The following FBXO16 variants were observed in gnomAD, a reference collection of about 807,000 sequenced individuals.
FBXO16 encodes F-box only protein 16.
In FBXO16, 31 loss-of-function variants were observed where a neutral mutation model predicts 41.0. The observed-to-expected ratio is 0.76, with a 90% CI of 0.57 to 1.02. The LOEUF is 1.02. Ranked by LOEUF, FBXO16 falls within the 50% of genes least tolerant of loss-of-function variation. The probability of loss-of-function intolerance (pLI) is 0.00; values close to 1 mark genes in which losing one functional copy is unlikely to be tolerated. For missense variants in FBXO16, 361 were observed against 346.2 expected, an observed-to-expected ratio of 1.04 and a Z score of -0.34; for synonymous variants, 133 against 117.8, an observed-to-expected ratio of 1.13 and a Z score of -0.84.
intron 5 of FBXO16, among the ~76,000 whole-genome samples, chr8:28,452,858 TAAC>T (rs963535680): frequency 2.8e-4 from 42 of 151,142 alleles, no homozygotes; most frequent in African/African-American, 7.0e-4. Flanking sequence ...ATAATAATAA[TAAC>T]AACAACAAAA....
At chr8:28,453,097 T>C (rs1802982763) in intron 5 of FBXO16, among the ~76,000 whole-genome samples, 1 of 152,154 alleles carries the variant, frequency 6.6e-6, no homozygotes, top group Non-Finnish European at 1.5e-5. Flanking sequence ...TGCATTATAT[T>C]GTTTAACCTT....
intron 4 of FBXO16, among the ~76,000 whole-genome samples, chr8:28,462,841 T>G (rs1024875190): frequency 3.9e-5 from 6 of 152,222 alleles, no homozygotes; most frequent in Admixed American, 1.3e-4. Flanking sequence ...CTCATTCTCT[T>G]TTGTACATAT....
At chr8:28,466,996 A>ACAGTG (rs2130166825) in intron 3 of FBXO16, among the ~76,000 whole-genome samples, 1 of 152,138 alleles carries the variant, frequency 6.6e-6, no homozygotes, top group Admixed American at 6.5e-5. Flanking sequence ...AGGTTGGCGT[A>ACAGTG]CAGTGGTGCA....
intron 7 of FBXO16, among the ~76,000 whole-genome samples, chr8:28,443,610 G>C (rs987134782): frequency 2.6e-5 from 4 of 152,102 alleles, no homozygotes; most frequent in Non-Finnish European, 5.9e-5. Context: ...GTTTGAACCA[G>C]GGCAACTCCA....
At chr8:28,448,357 A>G (rs200735409) in intron 6 of FBXO16, among the ~76,000 whole-genome samples, 209 of 151,058 alleles carry the variant, frequency 1.4e-3, no homozygotes, top group Non-Finnish European at 1.9e-3. Context: ...AAAAAAAAAA[A>G]AAAGAAAGAA....
In FBXO16 at chr8:28,463,824, AAC is replaced by A; in HGVS notation, c.136-8_136-7del. Reference sequence around the variant, plus strand: ...GAGTCTGTCCATTTGTCAAACTGGAAACACAAAACAAAGCAAAATGTAAAAAG... The same window carrying A: ...GAGTCTGTCCATTTGTCAAACTGGAAACAAAACAAAGCAAAATGTAAAAAG... On this transcript the variant is annotated splice_polypyrimidine_tract_variant and splice_region_variant and intron_variant, in intron 3 of 8. Coordinates refer to ENST00000380254, the MANE Select transcript of FBXO16 (RefSeq NM_172366.4). The A allele has an allele frequency of 6.2e-7, 1 of 1,612,456 alleles. No homozygotes were observed.
In FBXO16 at chr8:28,463,714, T is replaced by C; in HGVS notation, c.240A>G (p.Lys80=). Residue 80 remains lysine (K), a synonymous_variant, in exon 4 of 9, where the codon AAA becomes AAG. Coordinates refer to ENST00000380254, the MANE Select transcript of FBXO16 (RefSeq NM_172366.4). ...QKFCCRKLQE[K]IPAEALDFTT... ...TAAAGTCCAGGGCTTCTGCTGGAAT[T>C]TTCTCTTGAAGCTTTCGACAGCAGA... 1 of 1,614,230 alleles carries C rather than the reference T, an allele frequency of 6.2e-7. No homozygotes were observed. The highest frequency in any genetic ancestry group is 8.5e-7 in the Non-Finnish European group (1 of 1,180,046).
At chr8:28,482,055 C>T (rs529242650) in intron 2 of FBXO16, among the ~76,000 whole-genome samples, 8 of 152,252 alleles carry the variant, frequency 5.3e-5, no homozygotes, top group South Asian at 2.1e-4. Flanking sequence ...ACCTGTGGGA[C>T]GGGGAGGACC....
Position 28,452,478 on chromosome 8 carries a change from T to C in FBXO16, c.508-2A>G. ...TACAAATCCATCCTTTGGGGGTGTC[T>C]AGAAGAAGAAAGTTAATTATGTTCT... On this transcript the variant is annotated splice_acceptor_variant, in intron 5 of 8. Coordinates refer to ENST00000380254, the MANE Select transcript of FBXO16 (RefSeq NM_172366.4). LOFTEE classifies it high-confidence loss of function. The C allele has an allele frequency of 6.2e-7, 1 of 1,613,196 alleles. No homozygotes were observed. Among genetic ancestry groups the C allele is most frequent in the South Asian group, 1.1e-5 (1 of 91,048 alleles).
intron 7 of FBXO16, among the ~76,000 whole-genome samples, chr8:28,434,418 A>C (rs1446863326): frequency 6.6e-6 from 1 of 152,248 alleles, no homozygotes; most frequent in Non-Finnish European, 1.5e-5. Context: ...TAAATATAGT[A>C]ACAACAATGA....
At chr8:28,479,287 C>CACTTTTCTCT (rs1219461032) in intron 2 of FBXO16, among the ~76,000 whole-genome samples, 1 of 152,146 alleles carries the variant, frequency 6.6e-6, no homozygotes, top group Non-Finnish European at 1.5e-5. Context: ...CTGCATCTGA[C>CACTTTTCTCT]CCTTTTCTCT....
At chr8:28,460,245 A>ATATATATAT (rs1477457728) in intron 4 of FBXO16, among the ~76,000 whole-genome samples, 10 of 85,484 alleles carry the variant, frequency 1.2e-4, no homozygotes, top group Non-Finnish European at 2.0e-4. Context: ...ATATATATAT[A>ATATATATAT]TTTTTTTTTT....
At chr8:28,461,416 A>C (rs1803132321) in intron 4 of FBXO16, among the ~76,000 whole-genome samples, 1 of 152,194 alleles carries the variant, frequency 6.6e-6, no homozygotes, top group Admixed American at 6.5e-5. Flanking sequence ...TATCATTTAA[A>C]ACAAATCTCA....
Position 28,447,250 on chromosome 8 carries a change from G to A in FBXO16, c.764C>T (p.Thr255Ile). The stretch of plus-strand genomic sequence containing the variant: ...ATGTGACTGTCGGCTGAAGTCTGGG[G>A]TCATTTGGTTTCTTTTTCTTCTTCT... ...QQGRRKRNQM[T>I]PDFSRQSHDK... Residue 255 changes from threonine (T) to isoleucine (I), a missense_variant, in exon 7 of 9, where the codon ACC (threonine) becomes ATC (isoleucine). Physicochemically the swap from Thr to Ile is moderately conservative, Grantham distance 89. Coordinates refer to ENST00000380254, the MANE Select transcript of FBXO16 (RefSeq NM_172366.4). 1 of 1,613,314 alleles carries A rather than the reference G, an allele frequency of 6.2e-7. No individual in the cohort carries two copies. Among genetic ancestry groups the A allele is most frequent in the Admixed American group, 1.7e-5 (1 of 59,966 alleles).
chr8:28,438,399 C>T (rs1336548604), intron 7 of FBXO16, among the ~76,000 whole-genome samples: 1 of 152,068 alleles, frequency 6.6e-6, no homozygotes, highest in Admixed American at 6.6e-5. Context: ...GAAATGGGGA[C>T]GGTCAAGGAA....
chr8:28,458,701 C>T (rs572344104), intron 4 of FBXO16, among the ~76,000 whole-genome samples: 55 of 152,018 alleles, frequency 3.6e-4, no homozygotes, highest in Non-Finnish European at 4.9e-4. Context: ...TACAGGCATG[C>T]GCCACTATGC....
chr8:28,465,551 G>C (rs1803222972), intron 3 of FBXO16: 1 of 303,336 alleles, frequency 3.3e-6, no homozygotes, highest in Admixed American at 3.7e-5. Flanking sequence ...GGTGGTGGAG[G>C]CTGCAGTGAG....
At chr8:28,440,643 A>G (rs1802757200) in intron 7 of FBXO16, among the ~76,000 whole-genome samples, 2 of 152,188 alleles carry the variant, frequency 1.3e-5, no homozygotes, top group African/African-American at 2.4e-5. Context: ...CTAAGAGTAA[A>G]GTTATCCCTG....
At chr8:28,453,418 C>G (rs895636576) in intron 5 of FBXO16, among the ~76,000 whole-genome samples, 1 of 151,870 alleles carries the variant, frequency 6.6e-6, no homozygotes, top group Non-Finnish European at 1.5e-5. Context: ...GAGAGGTAGA[C>G]TAGAAATTTT....
Sources: allele counts gnomAD v4.1 joint callset (sites outside exome capture counted in the v4.1 genomes callset), GRCh38; gene constraint gnomAD v4.1.1; transcripts MANE v1.5; gene names NCBI Gene and HGNC (gene_info 2026-07-23, HGNC 2026-07-21).